Variants in TTC6 observed in about 807,000 individuals in gnomAD.
TTC6 encodes tetratricopeptide repeat domain 6, also known as tetratricopeptide repeat protein 6.
In TTC6, 172 loss-of-function variants were observed where a neutral mutation model predicts 210.4. The ratio of observed to expected loss-of-function variants is 0.82; its 90% CI spans 0.72 to 0.93. The LOEUF (loss-of-function observed/expected upper bound fraction) is 0.93. Ranked by LOEUF, TTC6 falls within the 40% of genes least tolerant of loss-of-function variation. The pLI is 0.00. For synonymous variants in TTC6, 804 were observed against 819.6 expected (o/e 0.98, Z 0.32); for missense variants, 2,414 against 2,318.1 (o/e 1.04, Z -0.85).
At chr14:37,727,644 T>C (rs1812314684) in intron 7 of TTC6, among the ~76,000 whole-genome samples, 1 of 152,096 alleles carries the variant, frequency 6.6e-6, no homozygotes, top group Non-Finnish European at 1.5e-5. Flanking sequence ...TTCTTCTTTT[T>C]TTAAAAATAA....
intron 27 of TTC6, among the ~76,000 whole-genome samples, chr14:37,824,654 CATG>C (rs754868572): frequency 7.2e-5 from 11 of 152,088 alleles, no homozygotes; most frequent in Non-Finnish European, 1.5e-4. Flanking sequence ...TGATTATAAT[CATG>C]ATAAGTGCAA....
chr14:37,778,177 T>A (rs2096043776), intron 14 of TTC6, among the ~76,000 whole-genome samples: 1 of 152,056 alleles, frequency 6.6e-6, no homozygotes, highest in Admixed American at 6.5e-5. Context: ...GATGTCAGCC[T>A]CTGTGTGGGT....
chr14:37,696,810 CTT>C lies in TTC6; in HGVS notation c.1353_1354del (p.Cys452Ter), dbSNP rs1375532886. 14 of 1,399,736 alleles carry C rather than the reference CTT, an allele frequency of 1.0e-5. No homozygotes were observed. In the East Asian group the frequency reaches 3.3e-4, roughly 33 times the overall value. The allele number at this position is 1,399,736 out of a possible 1,614,324, so 86.7% of individuals were successfully genotyped here. ...GAGACCAAGAAAGTCTTCAAAACCT[CTT>C]TGTGATAAAAAACTACATAAAAAGT... On this transcript the variant is annotated frameshift_variant, in exon 4 of 31. Coordinates refer to ENST00000553443, the Ensembl canonical transcript of TTC6. LOFTEE classifies it high-confidence loss of function.
intron 1 of TTC6, among the ~76,000 whole-genome samples, chr14:37,632,002 T>G (rs1190039205): frequency 6.6e-6 from 1 of 152,184 alleles, no homozygotes; most frequent in Non-Finnish European, 1.5e-5. Context: ...GTTATTCTAG[T>G]TAGCAATTCC....
At chr14:37,718,999 A>G (rs992108714) in intron 6 of TTC6, among the ~76,000 whole-genome samples, 4 of 152,190 alleles carry the variant, frequency 2.6e-5, no homozygotes, top group Non-Finnish European at 4.4e-5. Context: ...AACTGAGCTC[A>G]GTAAAGTGAC....
intron 1 of TTC6, among the ~76,000 whole-genome samples, chr14:37,665,429 T>C (rs2095746006): frequency 6.7e-6 from 1 of 150,262 alleles, no homozygotes; most frequent in African/African-American, 2.4e-5. Context: ...TTGTCACTTA[T>C]AAGTGGGAGC....
intron 7 of TTC6, among the ~76,000 whole-genome samples, chr14:37,729,327 A>G (rs17106990): frequency 0.35 from 53,096 of 152,096 alleles, 10,310 homozygotes; most frequent in African/African-American, 0.53. Context: ...ATTGGTGAAT[A>G]TTAATTTGCA....
At chr14:37,706,887 A>T (rs2095836576) in intron 5 of TTC6, among the ~76,000 whole-genome samples, 1 of 151,802 alleles carries the variant, frequency 6.6e-6, no homozygotes, top group South Asian at 2.1e-4. Flanking sequence ...ATATTTTTTG[A>T]GCTTATCAGA....
intron 3 of TTC6, among the ~76,000 whole-genome samples, chr14:37,692,042 C>T (rs1175765604): frequency 6.6e-6 from 1 of 151,366 alleles, no homozygotes; most frequent in African/African-American, 2.4e-5. Flanking sequence ...AATAAAAAGT[C>T]TCCCAGTAAA....
At chr14:37,619,923 T>C (rs2095648638), upstream of TTC6, among the ~76,000 whole-genome samples, 1 of 152,208 alleles carries the variant, frequency 6.6e-6, no homozygotes, top group South Asian at 2.1e-4. Context: ...GAAGACCTGA[T>C]ATAATTAAAA....
chr14:37,807,419 C>T (rs1454868553), exon 23 of TTC6: 5 of 1,529,648 alleles, frequency 3.3e-6, no homozygotes, highest in Non-Finnish European at 4.4e-6. Flanking sequence ...TGAAAGCGTA[C>T]GTGCCTATCT....
intron 1 of TTC6, among the ~76,000 whole-genome samples, chr14:37,629,796 A>G (rs1327427133): frequency 1.3e-5 from 2 of 152,148 alleles, no homozygotes; most frequent in Non-Finnish European, 2.9e-5. Flanking sequence ...TACCTAGTTT[A>G]TAGAGCATTT....
At chr14:37,739,252 C>T in intron 10 of TTC6, 97 bp downstream of exon 12, 3 of 1,215,538 alleles carry the variant, frequency 2.5e-6, no homozygotes, top group Non-Finnish European at 3.3e-6. Flanking sequence ...TTTTATTCTG[C>T]ACTGAACATA....
intron 1 of TTC6, among the ~76,000 whole-genome samples, chr14:37,638,551 G>A (rs1350216928): frequency 6.6e-6 from 1 of 150,814 alleles, no homozygotes; most frequent in Non-Finnish European, 1.5e-5. Context: ...CACTGCCCCC[G>A]GCCTATATAA....
chr14:37,641,432 A>G (rs1344826755), intron 1 of TTC6, among the ~76,000 whole-genome samples: 2 of 152,220 alleles, frequency 1.3e-5, no homozygotes, highest in Non-Finnish European at 2.9e-5. Flanking sequence ...CTCTTATCCC[A>G]AATGAAAACA....
At chr14:37,841,423 T>C in intron 29 of TTC6, 22 bp from the exon 32 acceptor site, 1 of 1,559,336 alleles carries the variant, frequency 6.4e-7, no homozygotes, top group Non-Finnish European at 8.7e-7. Context: ...TTAAAATATA[T>C]CATTATCTTC....
chr14:37,783,053 C>T (rs1314465066), intron 14 of TTC6, among the ~76,000 whole-genome samples: 2 of 152,116 alleles, frequency 1.3e-5, no homozygotes, highest in Admixed American at 1.3e-4. Flanking sequence ...AGGACTTTTG[C>T]ATCGATGTTC....
At position 37,666,740 on chromosome 14, in the gene TTC6, G is replaced by A. The variant is rs186075610; in HGVS notation, c.940-13411G>A. Among the ~76,000 whole-genome samples the A allele has an allele frequency of 2.3e-3, 351 of 150,290 alleles. 7 individuals are homozygous for A. Among genetic ancestry groups the A allele is most frequent in the African/African-American group, 7.9e-3 (326 of 41,378 alleles). ...ACACATATCCTTTGAGGGGATAGGTGGGGGAAAGACAGTTACCCAACCCCT... is the reference window on the plus strand; with the variant it reads ...ACACATATCCTTTGAGGGGATAGGTAGGGGAAAGACAGTTACCCAACCCCT... On this transcript the variant is annotated intron_variant, in intron 1 of 30. Transcript: ENST00000553443.
intron 25 of TTC6, among the ~76,000 whole-genome samples, chr14:37,816,500 C>A (rs991056725): frequency 6.6e-6 from 1 of 152,142 alleles, no homozygotes. Flanking sequence ...TTTTGCCACT[C>A]CACAGAAGAG....
Sources: allele counts gnomAD v4.1 joint callset (sites outside exome capture counted in the v4.1 genomes callset), GRCh38; gene constraint gnomAD v4.1.1; transcripts MANE v1.5; gene names NCBI Gene and HGNC (gene_info 2026-07-23, HGNC 2026-07-21).